The following VAV3 variants were observed in gnomAD, a reference collection of about 807,000 sequenced individuals.
VAV3 encodes vav guanine nucleotide exchange factor 3.
A neutral mutation model predicts 131.2 loss-of-function variants in VAV3; 94 were observed. That is an observed-to-expected ratio of 0.72 (90% CI 0.61 to 0.85). The LOEUF is 0.85. Among genes scored for constraint, VAV3 ranks in the 40% least tolerant of loss-of-function variants. The pLI, the probability that VAV3 is intolerant of heterozygous loss-of-function variation, is 0.00. For missense variants in VAV3, 939 were observed against 1,002.7 expected (o/e 0.94, Z 0.86); for synonymous variants, 349 against 342.0 (o/e 1.02, Z -0.22).
At chr1:107,653,681 C>T (rs115079942) in intron 19 of VAV3, among the ~76,000 whole-genome samples, 2,183 of 152,164 alleles carry the variant, frequency 0.014, 60 homozygotes, top group African/African-American at 0.05. Flanking sequence ...ATACATTTAT[C>T]AGTTTAAAAT....
intron 1 of VAV3, among the ~76,000 whole-genome samples, chr1:107,913,539 C>T (rs530452199): frequency 2.0e-5 from 3 of 152,338 alleles, no homozygotes; most frequent in South Asian, 4.1e-4. Flanking sequence ...GAAGGAAATG[C>T]ATTGACCTTA....
intron 19 of VAV3, among the ~76,000 whole-genome samples, chr1:107,652,774 CTTTT>C (rs1323560651): frequency 6.6e-6 from 1 of 152,054 alleles, no homozygotes; most frequent in Non-Finnish European, 1.5e-5. Flanking sequence ...TTTTAAACTA[CTTTT>C]ATTTATTTGT....
chr1:107,596,118 G>A, intron 25 of VAV3, 94 bp downstream of exon 25: 1 of 1,507,940 alleles, frequency 6.6e-7, no homozygotes, highest in African/African-American at 1.4e-5. Flanking sequence ...GCATCCATTG[G>A]TTATATTTTA....
intron 1 of VAV3, among the ~76,000 whole-genome samples, chr1:107,882,518 A>G (rs1241942396): frequency 6.6e-6 from 1 of 152,080 alleles, no homozygotes; most frequent in Non-Finnish European, 1.5e-5. Flanking sequence ...TACCTCTCCA[A>G]AGGTCTCAGA....
chr1:107,686,034 TG>T (rs554715740), intron 18 of VAV3: 3 of 85,086 alleles, frequency 3.5e-5, no homozygotes, highest in Non-Finnish European at 6.8e-5. Context: ...GTTGGGGGGG[TG>T]GGGGGGGAGG....
chr1:107,941,181 C>T (rs1673973358), intron 1 of VAV3, among the ~76,000 whole-genome samples: 1 of 152,122 alleles, frequency 6.6e-6, no homozygotes, highest in Non-Finnish European at 1.5e-5. Context: ...TCCCTCCAGG[C>T]CCTATTTGTA....
intron 19 of VAV3, among the ~76,000 whole-genome samples, chr1:107,643,237 A>G (rs1655489561): frequency 6.6e-6 from 1 of 152,158 alleles, no homozygotes; most frequent in African/African-American, 2.4e-5. Flanking sequence ...TTCAAAAGCA[A>G]AAAGGTGATG....
intron 19 of VAV3, among the ~76,000 whole-genome samples, chr1:107,657,333 A>G (rs1315015706): frequency 6.6e-6 from 1 of 152,228 alleles, no homozygotes; most frequent in Non-Finnish European, 1.5e-5. Context: ...AATGTAGTAT[A>G]AAGGGGACTT....
chr1:107,602,306 C>G, intron 24 of VAV3, 91 bp downstream of exon 24: 1 of 934,174 alleles, frequency 1.1e-6, no homozygotes, highest in Non-Finnish European at 1.5e-6. Flanking sequence ...TTTCAGTGAG[C>G]AAAATTTCCA....
chr1:107,732,780 G>A (rs1662335762), intron 15 of VAV3, among the ~76,000 whole-genome samples: 1 of 152,180 alleles, frequency 6.6e-6, no homozygotes, highest in South Asian at 2.1e-4. Flanking sequence ...ACCTCTGGGG[G>A]CAGGGCATAG....
chr1:107,602,823 C>T (rs1399588815), intron 23 of VAV3, among the ~76,000 whole-genome samples: 4 of 152,046 alleles, frequency 2.6e-5, no homozygotes, highest in African/African-American at 9.7e-5. Context: ...ACCACCAAAA[C>T]ACAATATTAT....
intron 19 of VAV3, among the ~76,000 whole-genome samples, chr1:107,668,439 AT>A (rs1657561731): frequency 6.6e-6 from 1 of 152,230 alleles, no homozygotes; most frequent in Non-Finnish European, 1.5e-5. Flanking sequence ...TAAAATGGGC[AT>A]AATACCTCTC....
intron 1 of VAV3, among the ~76,000 whole-genome samples, chr1:107,901,271 T>C (rs976521711): frequency 6.6e-6 from 1 of 152,200 alleles, no homozygotes; most frequent in Non-Finnish European, 1.5e-5. Context: ...TGGTTGGTGG[T>C]TCCTAAATTA....
intron 7 of VAV3, among the ~76,000 whole-genome samples, chr1:107,767,689 T>G (rs1403850589): frequency 6.6e-6 from 1 of 152,150 alleles, no homozygotes; most frequent in Non-Finnish European, 1.5e-5. Context: ...TTATATACAT[T>G]TATCAGTGTA....
At chr1:107,630,051 C>T (rs1277673173) in intron 20 of VAV3, among the ~76,000 whole-genome samples, 1 of 152,134 alleles carries the variant, frequency 6.6e-6, no homozygotes, top group Non-Finnish European at 1.5e-5. Context: ...AAATCAAATA[C>T]AAAGCCATTG....
At chr1:107,878,596 A>C (rs1057422894) in intron 1 of VAV3, among the ~76,000 whole-genome samples, 2 of 152,218 alleles carry the variant, frequency 1.3e-5, no homozygotes, top group Non-Finnish European at 2.9e-5. Context: ...TGAAAGCTAA[A>C]TCTAGATTCA....
intron 2 of VAV3, among the ~76,000 whole-genome samples, chr1:107,849,222 C>T (rs1669111611): frequency 6.6e-6 from 1 of 150,566 alleles, no homozygotes; most frequent in East Asian, 1.9e-4. Context: ...GAAAAAACTA[C>T]TTTAAATTTC....
intron 19 of VAV3, among the ~76,000 whole-genome samples, chr1:107,643,998 G>A (rs112443956): frequency 0.051 from 7,756 of 152,050 alleles, 223 homozygotes; most frequent in Middle Eastern, 0.088. Context: ...TTCTTGTGCC[G>A]CAGAACCCCC....
intron 22 of VAV3, among the ~76,000 whole-genome samples, chr1:107,606,803 C>CTTTTTTTTTTT (rs34849497): frequency 1.7e-5 from 1 of 58,012 alleles, no homozygotes; most frequent in African/African-American, 7.0e-5. Flanking sequence ...ATGGTTTCTT[C>CTTTTTTTTTTT]TTTTTTTTTT....
Sources: gnomAD v4.1 joint callset for allele counts (sites outside exome capture counted in the v4.1 genomes callset) on GRCh38, gnomAD v4.1.1 for gene constraint, MANE v1.5 for transcripts, NCBI Gene and HGNC (gene_info 2026-07-23, HGNC 2026-07-21) for gene names.